Variants in RAB38 observed in about 807,000 individuals in gnomAD.
RAB38 encodes the protein ras-related protein Rab-38.
In RAB38, 15 loss-of-function variants were observed where a neutral mutation model predicts 18.4. That is an observed-to-expected ratio of 0.82 (90% CI 0.55 to 1.26). RAB38 has a LOEUF of 1.26. Ranked by LOEUF, RAB38 falls within the 50% of genes most tolerant of loss-of-function variation. The pLI is 0.00. For synonymous variants in RAB38, 101 were observed against 104.4 expected, an observed-to-expected ratio of 0.97 and a Z score of 0.20; for missense variants, 294 against 267.4, an observed-to-expected ratio of 1.10 and a Z score of -0.69.
chr11:88,023,772 G>T, the RAB38 span, among the ~76,000 whole-genome samples: 2 of 151,978 alleles, frequency 1.3e-5, no homozygotes, highest in African/African-American at 4.8e-5. Flanking sequence ...TTTGACAAAG[G>T]TGCCAAGAAC....
chr11:88,037,323 A>G, the RAB38 span, among the ~76,000 whole-genome samples: 1 of 152,086 alleles, frequency 6.6e-6, no homozygotes, highest in Non-Finnish European at 1.5e-5. Context: ...ATAATTAAAT[A>G]CTTTCACCTT....
chr11:88,121,792 G>C (rs940690284), intron 2 of RAB38, among the ~76,000 whole-genome samples: 1 of 152,134 alleles, frequency 6.6e-6, no homozygotes, highest in African/African-American at 2.4e-5. Flanking sequence ...TCGATCTCCT[G>C]ACCTCGGGAT....
At chr11:88,082,817 C>T in the RAB38 span, among the ~76,000 whole-genome samples, 2 of 151,790 alleles carry the variant, frequency 1.3e-5, no homozygotes, top group South Asian at 2.1e-4. Context: ...CCAGTTTTCC[C>T]TCCATTTATA....
chr11:88,052,614 G>A, the RAB38 span, among the ~76,000 whole-genome samples: 4 of 151,746 alleles, frequency 2.6e-5, no homozygotes, highest in Non-Finnish European at 5.9e-5. Context: ...GAAGAAAAAA[G>A]TATCTCATAA....
At chr11:88,091,922 G>A in the RAB38 span, among the ~76,000 whole-genome samples, 729 of 152,012 alleles carry the variant, frequency 4.8e-3, 4 homozygotes, top group African/African-American at 0.017. Flanking sequence ...ACATGCAAAT[G>A]AAGAGGCACG....
chr11:88,069,647 G>A, the RAB38 span, among the ~76,000 whole-genome samples: 1 of 152,050 alleles, frequency 6.6e-6, no homozygotes, highest in Admixed American at 6.5e-5. Context: ...GTGGGGACTT[G>A]GAGAACTTTT....
chr11:87,888,025 T>C, the RAB38 span, among the ~76,000 whole-genome samples: 2 of 151,888 alleles, frequency 1.3e-5, no homozygotes, highest in Admixed American at 1.3e-4. Context: ...AGATTTTTTT[T>C]TCCAAGCCCC....
At chr11:87,941,422 TGTTGA>T in the RAB38 span, among the ~76,000 whole-genome samples, 18 of 151,290 alleles carry the variant, frequency 1.2e-4, no homozygotes, top group South Asian at 4.2e-4. Context: ...ATTCAGGAAA[TGTTGA>T]GTTGAGTTTC....
chr11:88,088,725 T>G, the RAB38 span, among the ~76,000 whole-genome samples: 10 of 151,800 alleles, frequency 6.6e-5, no homozygotes, highest in African/African-American at 2.4e-4. Flanking sequence ...CTAGGCCAGA[T>G]GAGAATGAAG....
intron 1 of RAB38, among the ~76,000 whole-genome samples, chr11:88,162,242 T>C (rs898779259): frequency 2.0e-5 from 3 of 152,132 alleles, no homozygotes; most frequent in African/African-American, 7.2e-5. Flanking sequence ...ATCAAACCAA[T>C]GACAGAAACA....
chr11:87,948,329 T>G, the RAB38 span, among the ~76,000 whole-genome samples: 2 of 152,214 alleles, frequency 1.3e-5, no homozygotes, highest in African/African-American at 4.8e-5. Flanking sequence ...TATACAACCA[T>G]GTCATCTGCA....
chr11:87,946,127 A>G, the RAB38 span, among the ~76,000 whole-genome samples: 3 of 152,128 alleles, frequency 2.0e-5, no homozygotes, highest in Admixed American at 6.6e-5. Context: ...TATACAAACT[A>G]TGGTTACAGA....
chr11:87,903,850 T>G, the RAB38 span, among the ~76,000 whole-genome samples: 45,653 of 151,236 alleles, frequency 0.3, 8,702 homozygotes, highest in African/African-American at 0.55. Flanking sequence ...TTTATTATTT[T>G]CCTTTTATTG....
the RAB38 span, among the ~76,000 whole-genome samples, chr11:87,974,555 G>A: frequency 6.6e-6 from 1 of 151,514 alleles, no homozygotes; most frequent in Admixed American, 6.6e-5. Context: ...AATAATTCAG[G>A]AGAAAAAAAT....
At chr11:87,867,566 T>C in the RAB38 span, among the ~76,000 whole-genome samples, 1 of 151,772 alleles carries the variant, frequency 6.6e-6, no homozygotes, top group African/African-American at 2.4e-5. Flanking sequence ...AATTGGACTT[T>C]ATGATTATCT....
At chr11:88,008,951 C>G in the RAB38 span, among the ~76,000 whole-genome samples, 1 of 152,142 alleles carries the variant, frequency 6.6e-6, no homozygotes, top group South Asian at 2.1e-4. Context: ...GGATTACAGG[C>G]GTGAACCACT....
chr11:87,808,949 GA>G, the RAB38 span, among the ~76,000 whole-genome samples: 2 of 151,982 alleles, frequency 1.3e-5, no homozygotes, highest in African/African-American at 4.8e-5. Flanking sequence ...AAGTAACCAT[GA>G]AAATATTAGA....
At chr11:88,121,568 T>G (rs1393922047) in intron 2 of RAB38, among the ~76,000 whole-genome samples, 2 of 151,082 alleles carry the variant, frequency 1.3e-5, no homozygotes, top group Non-Finnish European at 3.0e-5. Context: ...GCTGCTCTTT[T>G]TTTGTTTTTT....
intron 2 of RAB38, among the ~76,000 whole-genome samples, chr11:88,127,293 T>C (rs1942710148): frequency 1.3e-5 from 2 of 152,206 alleles, no homozygotes; most frequent in South Asian, 2.1e-4. Context: ...GTATCAATTA[T>C]GTGTGAATGG....
Sources: allele counts gnomAD v4.1 joint callset (sites outside exome capture counted in the v4.1 genomes callset), GRCh38; gene constraint gnomAD v4.1.1; transcripts MANE v1.5; gene names NCBI Gene and HGNC (gene_info 2026-07-23, HGNC 2026-07-21).